Variants in TMSB15B observed in about 807,000 individuals in gnomAD.
TMSB15B encodes the protein thymosin beta-15B.
chrX:103,928,702 C>T (rs782430979), intron 1 of TMSB15B: 24 of 1,156,436 alleles, frequency 2.1e-5, no homozygotes, highest in Non-Finnish European at 2.7e-5. Context: ...GCAGGATGGC[C>T]TGGCAGAGCA....
intron 1 of TMSB15B, among the ~76,000 whole-genome samples, chrX:103,930,147 A>G (rs1260583318): frequency 9.0e-6 from 1 of 111,572 alleles, no homozygotes; most frequent in Non-Finnish European, 1.9e-5. Flanking sequence ...CCACTTACAT[A>G]AACCCCAAAC....
chrX:103,934,666 T>G (rs782367296), intron 1 of TMSB15B, among the ~76,000 whole-genome samples: 74 of 111,743 alleles, frequency 6.6e-4, no homozygotes, highest in African/African-American at 2.3e-3. Flanking sequence ...CAAAAGACAT[T>G]AACTCATTCT....
At position 103,929,042 on chromosome X, in the gene TMSB15B, A is replaced by G. The variant is rs1444426215; in HGVS notation, c.-721+9750A>G. The G allele has an allele frequency of 7.2e-6, 8 of 1,113,664 alleles. No individual in the cohort carries two copies. The African/African-American group carries it at 1.5e-4, about 20-fold the overall frequency. 91.8% of individuals were successfully genotyped at this position (1,113,664 alleles called of 1,213,427 possible). A position where few individuals can be genotyped will look rare whatever the true frequency, so the allele number is the denominator to read the frequency against. ...TAGCTGCAGAAAGTGTGGCCATGCC[A>G]CCTTTGTTATTCTGAATCTTCCCTG... On this transcript the variant is annotated intron_variant, in intron 1 of 3. Transcript: ENST00000419165.
chrX:103,951,842 T>C (rs2075039952), intron 1 of TMSB15B, among the ~76,000 whole-genome samples: 1 of 110,557 alleles, frequency 9.0e-6, no homozygotes, highest in South Asian at 3.9e-4. Flanking sequence ...TCTGGTGAGG[T>C]TGAAAGAAAA....
intron 1 of TMSB15B, among the ~76,000 whole-genome samples, chrX:103,947,089 T>C (rs782527411): frequency 8.9e-4 from 97 of 109,554 alleles, no homozygotes; most frequent in Non-Finnish European, 1.7e-3. Context: ...TGAAAAGCAT[T>C]ATTTGTAATA....
chrX:103,928,394 A>G (rs781955403), intron 1 of TMSB15B: 24 of 1,207,912 alleles, frequency 2.0e-5, no homozygotes, highest in East Asian at 3.0e-5. Context: ...GGGACTTATG[A>G]TAGCCTGCTG....
At chrX:103,919,164 C>T (rs1290818024) in exon 1 of TMSB15B, 1 of 113,293 alleles carries the variant, frequency 8.8e-6, no homozygotes, top group Non-Finnish European at 1.9e-5. Flanking sequence ...CAAGCAGCCT[C>T]TGGCCCTGAA....
intron 1 of TMSB15B, among the ~76,000 whole-genome samples, chrX:103,937,371 C>T (rs1718988772): frequency 8.9e-6 from 1 of 111,929 alleles, no homozygotes; most frequent in Non-Finnish European, 1.9e-5. Context: ...TTCAGGGATT[C>T]GAGTTCTTCC....
At chrX:103,924,767 G>C (rs1387424576) in intron 1 of TMSB15B, among the ~76,000 whole-genome samples, 4 of 111,521 alleles carry the variant, frequency 3.6e-5, no homozygotes, top group African/African-American at 1.3e-4. Flanking sequence ...GACTAGACTG[G>C]CTCGGACAGT....
chrX:103,922,121 A>G (rs59434482), intron 1 of TMSB15B, among the ~76,000 whole-genome samples: 38,661 of 101,397 alleles, frequency 0.38, 5,524 homozygotes, highest in Admixed American at 0.54. Context: ...TCCCACTGTC[A>G]CCCAGGCTGG....
At chrX:103,947,495 TA>T (rs2075028466) in intron 1 of TMSB15B, among the ~76,000 whole-genome samples, 1 of 111,885 alleles carries the variant, frequency 8.9e-6, no homozygotes, top group Admixed American at 9.5e-5. Flanking sequence ...CTAAGATATG[TA>T]TGTATGTATA....
chrX:103,948,247 G>T (rs1451053166), intron 1 of TMSB15B, among the ~76,000 whole-genome samples: 1 of 111,966 alleles, frequency 8.9e-6, no homozygotes, highest in African/African-American at 3.2e-5. Flanking sequence ...AAACACTAGG[G>T]AGATACTCAC....
chrX:103,920,044 T>G (rs2074947435), intron 1 of TMSB15B, among the ~76,000 whole-genome samples: 1 of 111,707 alleles, frequency 9.0e-6, no homozygotes, highest in Non-Finnish European at 1.9e-5. Flanking sequence ...AAGAGGAAAC[T>G]CTTCTTGGCA....
At position 103,935,205 on chromosome X, in the gene TMSB15B, T is replaced by G. The variant is rs185417498; in HGVS notation, c.-721+15913T>G. ...TGATGGGGTTTTTGTTTTTTTCTTA[T>G]ACATTTGTTTAAGTTCCTTGTAGAT... On this transcript the variant is annotated intron_variant, in intron 1 of 3. Transcript: ENST00000419165. Among the ~76,000 whole-genome samples, 104 of 112,184 alleles carry G rather than the reference T, an allele frequency of 9.3e-4. 1 individual carries two copies. In the East Asian group the frequency reaches 0.016, roughly 17 times the overall value.
intron 1 of TMSB15B, among the ~76,000 whole-genome samples, chrX:103,934,444 A>G (rs1166984193): frequency 1.8e-5 from 2 of 110,239 alleles, no homozygotes; most frequent in African/African-American, 3.3e-5. Flanking sequence ...GCACACATCA[A>G]TCCGTCATCT....
intron 1 of TMSB15B, among the ~76,000 whole-genome samples, chrX:103,929,778 C>G (rs7879626): frequency 9.0e-6 from 1 of 111,301 alleles, no homozygotes; most frequent in South Asian, 3.8e-4. Flanking sequence ...TGCCCAGAAA[C>G]GATTTGAGTT....
chrX:103,945,429 C>T (rs1556327107), intron 1 of TMSB15B, among the ~76,000 whole-genome samples: 1 of 111,750 alleles, frequency 8.9e-6, no homozygotes, highest in South Asian at 3.8e-4. Context: ...ACACCAAACA[C>T]GAGATGCAAC....
At chrX:103,944,675 C>T (rs1301560847) in intron 1 of TMSB15B, among the ~76,000 whole-genome samples, 4 of 112,123 alleles carry the variant, frequency 3.6e-5, no homozygotes, top group Admixed American at 9.4e-5. Flanking sequence ...CCGTATGAGG[C>T]GCAACTCAAA....
At chrX:103,953,125 G>A (rs191023975) in intron 1 of TMSB15B, among the ~76,000 whole-genome samples, 1 of 111,354 alleles carries the variant, frequency 9.0e-6, no homozygotes, top group South Asian at 3.9e-4. Flanking sequence ...CAAAGCCAAC[G>A]GAAGCTCCCC....
Sources: allele counts gnomAD v4.1 joint callset (sites outside exome capture counted in the v4.1 genomes callset), GRCh38; gene constraint gnomAD v4.1.1; transcripts MANE v1.5; gene names NCBI Gene and HGNC (gene_info 2026-07-23, HGNC 2026-07-21).